Variants in ROBO1 observed in about 807,000 individuals in gnomAD.
The protein encoded by ROBO1 is roundabout guidance receptor 1.
A neutral mutation model predicts 195.9 loss-of-function variants in ROBO1; 149 were observed. The observed-to-expected ratio is 0.76, with a 90% CI of 0.67 to 0.87. The LOEUF is 0.87. Ranked by LOEUF, ROBO1 falls within the 40% of genes least tolerant of loss-of-function variation. ROBO1 has a pLI of 0.00. For synonymous variants in ROBO1, 816 were observed against 733.2 expected, an observed-to-expected ratio of 1.11 and a Z score of -1.82; for missense variants, 1,933 against 2,068.3, an observed-to-expected ratio of 0.93 and a Z score of 1.27.
At chr3:78,730,699 T>C (rs916173611) in intron 5 of ROBO1, among the ~76,000 whole-genome samples, 1 of 152,162 alleles carries the variant, frequency 6.6e-6, no homozygotes, top group African/African-American at 2.4e-5. Context: ...CCTCCTTTGT[T>C]GAACACGAGA....
At chr3:79,170,116 T>C in intron 2 of ROBO1, among the ~76,000 whole-genome samples, 1 of 152,116 alleles carries the variant, frequency 6.6e-6, no homozygotes, top group East Asian at 1.9e-4. Context: ...TATCCTAGTG[T>C]AGGGCTCTTT....
In ROBO1 at chr3:79,525,515, A is replaced by AT. The variant is rs527705972; in HGVS notation, c.88+64308dup. On this transcript the variant is annotated intron_variant, in intron 2 of 30. Transcript: ENST00000464233. ...TATTTTATCCATAATTTAAACATTT[A>AT]TTTTTTCATCAATTTATACTTCAGA... Among the ~76,000 whole-genome samples the AT allele has an allele frequency of 3.0e-3, 434 of 145,318 alleles. 2 individuals carry two copies. The highest frequency in any genetic ancestry group is 0.01 in the African/African-American group (409 of 39,722).
chr3:79,626,171 G>T (rs986062204), intron 1 of ROBO1, among the ~76,000 whole-genome samples: 1 of 152,140 alleles, frequency 6.6e-6, no homozygotes, highest in Admixed American at 6.5e-5. Context: ...TCTCAGCTGG[G>T]CATGGTGGCT....
intron 3 of ROBO1, among the ~76,000 whole-genome samples, chr3:78,954,268 T>C (rs1389370936): frequency 6.6e-6 from 1 of 152,024 alleles, no homozygotes; most frequent in South Asian, 2.1e-4. Context: ...GTGGAAAACA[T>C]TGCAAATATA....
chr3:79,220,676 C>T (rs1055194173), intron 2 of ROBO1, among the ~76,000 whole-genome samples: 2 of 151,832 alleles, frequency 1.3e-5, no homozygotes, highest in Non-Finnish European at 2.9e-5. Flanking sequence ...GATTGGGTGA[C>T]TGTGTATCTT....
chr3:79,458,184 C>T (rs563962931), intron 2 of ROBO1, among the ~76,000 whole-genome samples: 23 of 152,116 alleles, frequency 1.5e-4, no homozygotes, highest in Admixed American at 4.6e-4. Flanking sequence ...TCAGTCAAAG[C>T]GGCATAATAA....
At chr3:79,627,278 G>T (rs1442673670) in intron 1 of ROBO1, among the ~76,000 whole-genome samples, 1 of 152,150 alleles carries the variant, frequency 6.6e-6, no homozygotes, top group Non-Finnish European at 1.5e-5. Flanking sequence ...AACCAAAGCA[G>T]CATGGTACTG....
rs768680592 is a variant in ROBO1, at chr3:79,693,381, ATTTG to A, written c.-51+74367_-51+74370del. Among the ~76,000 whole-genome samples, 11 of 110,726 alleles carry A rather than the reference ATTTG, an allele frequency of 9.9e-5. No homozygotes were observed. In the South Asian group the frequency reaches 1.4e-3, roughly 14 times the overall value. 72.6% of individuals were successfully genotyped at this position (110,726 alleles called of 152,430 possible). On this transcript the variant is annotated intron_variant, in intron 1 of 30. Transcript: ENST00000464233. ...ATAAAATACACATCAATATATAGAGATTTGTGTGTGTGTGTGTGTGTGTGTGTGT... is the reference window on the plus strand; with the variant it reads ...ATAAAATACACATCAATATATAGAGATGTGTGTGTGTGTGTGTGTGTGTGT...
At chr3:79,156,680 T>C (rs2080864864) in intron 2 of ROBO1, among the ~76,000 whole-genome samples, 1 of 151,828 alleles carries the variant, frequency 6.6e-6, no homozygotes, top group South Asian at 2.1e-4. Context: ...GATGAAATGA[T>C]TTAAAACACG....
At chr3:79,635,823 T>C (rs986458349) in intron 1 of ROBO1, among the ~76,000 whole-genome samples, 1 of 152,168 alleles carries the variant, frequency 6.6e-6, no homozygotes, top group African/African-American at 2.4e-5. Context: ...CTTAGTTAGA[T>C]AAACTGTTAT....
At chr3:79,703,862 T>C (rs1435508301) in intron 1 of ROBO1, among the ~76,000 whole-genome samples, 1 of 151,982 alleles carries the variant, frequency 6.6e-6, no homozygotes, top group African/African-American at 2.4e-5. Flanking sequence ...CACTTAGATT[T>C]TTGTGACTAT....
chr3:79,012,763 T>C (rs1046882275), intron 3 of ROBO1, among the ~76,000 whole-genome samples: 1 of 152,130 alleles, frequency 6.6e-6, no homozygotes, highest in Non-Finnish European at 1.5e-5. Context: ...CTTTCGGTGT[T>C]AGAAATAGCC....
intron 2 of ROBO1, among the ~76,000 whole-genome samples, chr3:79,566,600 GCAT>G (rs905159563): frequency 6.6e-6 from 1 of 151,964 alleles, no homozygotes; most frequent in African/African-American, 2.4e-5. Flanking sequence ...TATATTTGTG[GCAT>G]CATCATCTTA....
rs190270536 is a variant in ROBO1, at chr3:79,748,306, G to T, written c.-51+19446C>A. Among the ~76,000 whole-genome samples, 41 of 152,186 alleles carry T rather than the reference G, an allele frequency of 2.7e-4. 1 individual carries two copies. The highest frequency in any genetic ancestry group is 9.9e-4 in the African/African-American group (41 of 41,540). The stretch of plus-strand genomic sequence containing the variant: ...TAAAGTAATAATGAACAAAAGGGAC[G>T]CTTGTGAAATACTGTTACAAATATT... On this transcript the variant is annotated intron_variant, in intron 1 of 30. Coordinates refer to ENST00000464233, the MANE Select transcript of ROBO1 (RefSeq NM_002941.4).
In ROBO1 at chr3:78,948,800, A is replaced by T. The variant is rs560410759; in HGVS notation, c.173-9873T>A. ...AGCCCAAAATCTCAAGCTGATAAGCAACTTCAGCAAAGTCTCAGGATACAA... is the reference window on the plus strand; with the variant it reads ...AGCCCAAAATCTCAAGCTGATAAGCTACTTCAGCAAAGTCTCAGGATACAA... On this transcript the variant is annotated intron_variant, in intron 3 of 30. Coordinates refer to ENST00000464233, the MANE Select transcript of ROBO1 (RefSeq NM_002941.4). Among the ~76,000 whole-genome samples the T allele has an allele frequency of 1.6e-3, 242 of 152,352 alleles. 2 individuals carry two copies. Among genetic ancestry groups the T allele is most frequent in the Middle Eastern group, 0.014 (4 of 294 alleles).
intron 4 of ROBO1, among the ~76,000 whole-genome samples, chr3:78,868,257 A>G (rs1024578652): frequency 6.6e-6 from 1 of 152,126 alleles, no homozygotes; most frequent in Non-Finnish European, 1.5e-5. Flanking sequence ...AAGAAAATGA[A>G]TATGGTAAAC....
intron 4 of ROBO1, among the ~76,000 whole-genome samples, chr3:78,886,805 T>G (rs1021988092): frequency 3.3e-5 from 5 of 152,088 alleles, no homozygotes; most frequent in African/African-American, 1.2e-4. Flanking sequence ...CCATTAAAAC[T>G]AATATAACTA....
chr3:79,622,246 T>A lies in ROBO1; in HGVS notation c.-50-32285A>T, dbSNP rs1263892923. Among the ~76,000 whole-genome samples the A allele has an allele frequency of 5.9e-5, 9 of 152,308 alleles. No homozygotes were observed. The South Asian group carries it at 1.5e-3, about 25-fold the overall frequency. On this transcript the variant is annotated intron_variant, in intron 1 of 30. Coordinates refer to ENST00000464233, the MANE Select transcript of ROBO1 (RefSeq NM_002941.4). ...ATGAACCCACTCCACCAGAGCCTAGTGTCCCAACCCTGGAACGCACAAATT... is the reference window on the plus strand; with the variant it reads ...ATGAACCCACTCCACCAGAGCCTAGAGTCCCAACCCTGGAACGCACAAATT...
At chr3:79,717,176 T>G (rs528637901) in intron 1 of ROBO1, among the ~76,000 whole-genome samples, 4 of 151,362 alleles carry the variant, frequency 2.6e-5, no homozygotes, top group Admixed American at 2.6e-4. Context: ...ACTTTAAATG[T>G]GACTATTTTG....
Sources: gnomAD v4.1 joint callset for allele counts (sites outside exome capture counted in the v4.1 genomes callset) on GRCh38, gnomAD v4.1.1 for gene constraint, MANE v1.5 for transcripts, NCBI Gene and HGNC (gene_info 2026-07-23, HGNC 2026-07-21) for gene names.